Variants in GRIK2 observed in about 807,000 individuals in gnomAD.
The protein encoded by GRIK2 is glutamate ionotropic receptor kainate type subunit 2.
In GRIK2, 32 loss-of-function variants were observed where a neutral mutation model predicts 100.3. The ratio of observed to expected loss-of-function variants is 0.32; its 90% confidence interval spans 0.24 to 0.43. The LOEUF is 0.43. Among genes scored for constraint, GRIK2 ranks in the 20% least tolerant of loss-of-function variants. The pLI, the probability that GRIK2 is intolerant of heterozygous loss-of-function variation, is 1.00. For missense variants in GRIK2, 843 were observed against 1,114.9 expected (o/e 0.76, Z 3.47); for synonymous variants, 417 against 389.4 (o/e 1.07, Z -0.83).
rs532750038 is a variant in GRIK2 at position 101,631,516 on chromosome 6, G to A, written c.541+4879G>A. On this transcript the variant is annotated intron_variant, in intron 4 of 16. Coordinates refer to ENST00000369134, the MANE Select transcript of GRIK2 (RefSeq NM_021956.5). ...TTGACATTGTGTTAGTTGCTGTCAC[G>A]TAAACTATTTCACTTAATCTTCAAA... Among the ~76,000 whole-genome samples, 8 of 152,194 alleles carry A rather than the reference G, an allele frequency of 5.3e-5. No individual in the cohort carries two copies. The South Asian group carries it at 1.7e-3, about 32-fold the overall frequency.
chr6:101,662,304 A>T (rs1259929235), intron 4 of GRIK2, among the ~76,000 whole-genome samples: 2 of 152,210 alleles, frequency 1.3e-5, no homozygotes, highest in African/African-American at 4.8e-5. Flanking sequence ...AAACACTAAG[A>T]AGAACAGAAG....
chr6:101,789,358 A>G (rs1471166693), intron 7 of GRIK2, among the ~76,000 whole-genome samples: 1 of 152,182 alleles, frequency 6.6e-6, no homozygotes, highest in African/African-American at 2.4e-5. Context: ...TTAAGTCTTT[A>G]ATCCATCTTG....
chr6:101,981,949 T>C (rs1793736971), intron 14 of GRIK2, among the ~76,000 whole-genome samples: 1 of 151,836 alleles, frequency 6.6e-6, no homozygotes, highest in Non-Finnish European at 1.5e-5. Flanking sequence ...GGTAGAATAA[T>C]TAGATGGATG....
At chr6:102,012,771 T>C (rs1489883299) in intron 14 of GRIK2, among the ~76,000 whole-genome samples, 1 of 152,170 alleles carries the variant, frequency 6.6e-6, no homozygotes, top group Non-Finnish European at 1.5e-5. Flanking sequence ...TTCTGGATTC[T>C]CTGTTCTGTT....
chr6:102,044,457 G>C (rs1444071406), intron 15 of GRIK2, among the ~76,000 whole-genome samples: 2 of 152,004 alleles, frequency 1.3e-5, no homozygotes, highest in African/African-American at 4.8e-5. Flanking sequence ...CACATGATTG[G>C]GGAGGCCTCT....
chr6:101,559,484 T>C (rs543652025), intron 2 of GRIK2, among the ~76,000 whole-genome samples: 1 of 152,206 alleles, frequency 6.6e-6, no homozygotes, highest in Non-Finnish European at 1.5e-5. Flanking sequence ...GCTCCTTAGG[T>C]TGACCATAGG....
intron 11 of GRIK2, 51 bp from the exon 12 acceptor site, chr6:101,889,589 C>A: frequency 1.0e-6 from 1 of 969,622 alleles, no homozygotes; most frequent in Non-Finnish European, 1.5e-6. Flanking sequence ...TCAATTTTTT[C>A]TCTCTTTCTT....
chr6:101,625,951 A>C (rs1780415063), intron 3 of GRIK2, among the ~76,000 whole-genome samples: 1 of 152,156 alleles, frequency 6.6e-6, no homozygotes, highest in South Asian at 2.1e-4. Context: ...GAGCATAGCT[A>C]ATTGCACGAG....
intron 14 of GRIK2, among the ~76,000 whole-genome samples, chr6:101,973,178 A>C (rs765444597): frequency 6.6e-6 from 1 of 151,878 alleles, no homozygotes; most frequent in African/African-American, 2.4e-5. Flanking sequence ...CGGCTGAAAA[A>C]TCATCTGAAA....
chr6:101,740,769 G>C (rs1207475329), intron 7 of GRIK2, among the ~76,000 whole-genome samples: 1 of 152,188 alleles, frequency 6.6e-6, no homozygotes, highest in Non-Finnish European at 1.5e-5. Flanking sequence ...CGGCTGGCAA[G>C]AAAGGAAGCA....
In GRIK2 at chr6:101,686,188, T is replaced by C; in HGVS notation, c.786T>C (p.Phe262=). The C allele has an allele frequency of 6.2e-7, 1 of 1,610,488 alleles. No individual in the cohort carries two copies. Among genetic ancestry groups the C allele is most frequent in the Admixed American group, 1.7e-5 (1 of 59,914 alleles). ...YHYIFTTLDL[F]ALDVEPYRYS... is the part of the protein sequence containing the mutation. ...TAACATTTGTCTTTCAGGACCTCTTTGCTCTTGATGTTGAGCCCTACCGAT... is the reference window on the plus strand; with the variant it reads ...TAACATTTGTCTTTCAGGACCTCTTCGCTCTTGATGTTGAGCCCTACCGAT... Residue 262 remains phenylalanine, a synonymous_variant, in exon 7 of 17, where the codon TTT becomes TTC. Coordinates refer to ENST00000369134, the MANE Select transcript of GRIK2 (RefSeq NM_021956.5).
At chr6:101,542,912 T>G (rs545151147) in intron 2 of GRIK2, among the ~76,000 whole-genome samples, 1 of 152,216 alleles carries the variant, frequency 6.6e-6, no homozygotes, top group African/African-American at 2.4e-5. Flanking sequence ...TCAAGCCGAT[T>G]GTGTCAAGGA....
In GRIK2 at chr6:101,972,414, G is replaced by A. The variant is rs191639218; in HGVS notation, c.2085+43782G>A. ...TGTATGTCTTCTTTTGAGAAGTATC[G>A]GTTCATGTCCTTTGCCCACTTTTTA... On this transcript the variant is annotated intron_variant, in intron 14 of 16. Coordinates refer to ENST00000369134, the MANE Select transcript of GRIK2 (RefSeq NM_021956.5). Among the ~76,000 whole-genome samples the A allele has an allele frequency of 2.5e-3, 378 of 151,742 alleles. 3 individuals carry two copies. The highest frequency in any genetic ancestry group is 8.6e-3 in the African/African-American group (358 of 41,418).
intron 14 of GRIK2, among the ~76,000 whole-genome samples, chr6:102,011,709 C>G (rs1795548680): frequency 6.6e-6 from 1 of 150,914 alleles, no homozygotes; most frequent in South Asian, 2.1e-4. Flanking sequence ...TCAGCCTCTC[C>G]GAGTAGCTGG....
At chr6:101,554,493 A>T (rs1385996512) in intron 2 of GRIK2, among the ~76,000 whole-genome samples, 1 of 152,136 alleles carries the variant, frequency 6.6e-6, no homozygotes, top group Non-Finnish European at 1.5e-5. Flanking sequence ...CACTACCAGG[A>T]TATATAAAGA....
chr6:101,459,339 C>T (rs1412742990), intron 2 of GRIK2, among the ~76,000 whole-genome samples: 1 of 152,154 alleles, frequency 6.6e-6, no homozygotes, highest in Non-Finnish European at 1.5e-5. Flanking sequence ...CCATATATTA[C>T]AATTTCTGAT....
intron 2 of GRIK2, among the ~76,000 whole-genome samples, chr6:101,493,148 A>G (rs551199154): frequency 6.6e-6 from 1 of 152,152 alleles, no homozygotes; most frequent in Admixed American, 6.6e-5. Context: ...TAGAATAAGA[A>G]GACATAATAT....
chr6:101,489,324 G>A (rs1772986130), intron 2 of GRIK2, among the ~76,000 whole-genome samples: 1 of 145,830 alleles, frequency 6.9e-6, no homozygotes, highest in South Asian at 2.2e-4. Context: ...ATATTCCATG[G>A]GAACTCTCTA....
intron 2 of GRIK2, among the ~76,000 whole-genome samples, chr6:101,546,933 C>CCATT (rs1776271594): frequency 6.8e-6 from 1 of 147,060 alleles, no homozygotes; most frequent in African/African-American, 2.5e-5. Flanking sequence ...CGGGTTCACG[C>CCATT]CATTCTCCTG....
Sources: allele counts gnomAD v4.1 joint callset (sites outside exome capture counted in the v4.1 genomes callset), GRCh38; gene constraint gnomAD v4.1.1; transcripts MANE v1.5; gene names NCBI Gene and HGNC (gene_info 2026-07-23, HGNC 2026-07-21).